The following ARHGEF28 variants were observed in gnomAD, a reference collection of about 807,000 sequenced individuals.
ARHGEF28 encodes Rho guanine nucleotide exchange factor 28, also known as 190 kDa guanine nucleotide exchange factor.
Under a neutral mutation model 206.6 loss-of-function variants are expected in ARHGEF28, and 152 were observed. The ratio of observed to expected loss-of-function variants is 0.74; its 90% CI spans 0.64 to 0.84. The LOEUF is 0.84. Ranked by LOEUF, ARHGEF28 falls within the 40% of genes least tolerant of loss-of-function variation. ARHGEF28 has a pLI of 0.00. For synonymous variants in ARHGEF28, 763 were observed against 776.4 expected, an observed-to-expected ratio of 0.98 and a Z score of 0.29; for missense variants, 2,028 against 2,073.2, an observed-to-expected ratio of 0.98 and a Z score of 0.42.
intron 26 of ARHGEF28, 49 bp from the exon 27 acceptor site, chr5:73,892,003 A>G: frequency 6.5e-7 from 1 of 1,530,654 alleles, no homozygotes; most frequent in Non-Finnish European, 8.9e-7. Flanking sequence ...ACGGAGCCTT[A>G]CTTTAGCTAG....
intron 7 of ARHGEF28, among the ~76,000 whole-genome samples, chr5:73,788,074 C>T (rs2112474165): frequency 6.6e-6 from 1 of 152,152 alleles, no homozygotes; most frequent in East Asian, 1.9e-4. Context: ...ACACATTTGG[C>T]TCATATCTGA....
intron 13 of ARHGEF28, 24 bp from the exon 14 acceptor site, chr5:73,852,620 GTTTTCA>G: frequency 6.2e-7 from 1 of 1,611,092 alleles, no homozygotes; most frequent in South Asian, 1.1e-5. Context: ...GTGTGCCTTA[GTTTTCA>G]TTTTATTGTT....
intron 1 of ARHGEF28, among the ~76,000 whole-genome samples, chr5:73,628,303 A>G (rs1046460968): frequency 6.6e-6 from 1 of 152,164 alleles, no homozygotes; most frequent in African/African-American, 2.4e-5. Flanking sequence ...TATTACTTCT[A>G]TATTAAACAT....
chr5:73,930,828 C>T (rs1383467026), intron 35 of ARHGEF28, among the ~76,000 whole-genome samples: 1 of 152,154 alleles, frequency 6.6e-6, no homozygotes, highest in Non-Finnish European at 1.5e-5. Flanking sequence ...CATTTTCTTT[C>T]CTGGAAGTTT....
At chr5:73,809,509 C>T (rs1056869827) in intron 9 of ARHGEF28, among the ~76,000 whole-genome samples, 1 of 152,150 alleles carries the variant, frequency 6.6e-6, no homozygotes, top group African/African-American at 2.4e-5. Context: ...TTCTTTTTAG[C>T]TTGTGGTGCA....
chr5:73,875,552 G>C (rs1580022235), intron 22 of ARHGEF28, among the ~76,000 whole-genome samples: 1 of 151,360 alleles, frequency 6.6e-6, no homozygotes, highest in East Asian at 1.9e-4. Context: ...TATGGTTTTA[G>C]GTCTAACATG....
chr5:73,682,529 T>A (rs1747177413), intron 1 of ARHGEF28, among the ~76,000 whole-genome samples: 1 of 152,000 alleles, frequency 6.6e-6, no homozygotes, highest in Admixed American at 6.5e-5. Context: ...GCGATTCTCC[T>A]GCCTCAGCCT....
chr5:73,842,462 G>C (rs570341193), intron 11 of ARHGEF28, among the ~76,000 whole-genome samples: 9 of 152,152 alleles, frequency 5.9e-5, no homozygotes, highest in Non-Finnish European at 1.2e-4. Context: ...CAAGGGTTAT[G>C]TGTGATGTGT....
At chr5:73,783,594 C>CA (rs1753978420) in intron 7 of ARHGEF28, among the ~76,000 whole-genome samples, 1 of 152,022 alleles carries the variant, frequency 6.6e-6, no homozygotes, top group Non-Finnish European at 1.5e-5. Context: ...CTGCTGAAAG[C>CA]AACGCAGAAG....
chr5:73,780,449 A>T, intron 6 of ARHGEF28: 2 of 526,792 alleles, frequency 3.8e-6, no homozygotes, highest in Middle Eastern at 5.2e-4. Flanking sequence ...GCAATAAAAG[A>T]TTAGTGGCAG....
intron 2 of ARHGEF28, among the ~76,000 whole-genome samples, chr5:73,737,501 T>TCTTTTCTTTTCTTTG (rs1751050902): frequency 8.5e-6 from 1 of 117,346 alleles, no homozygotes; most frequent in South Asian, 2.6e-4. Context: ...TCTTTTCTTT[T>TCTTTTCTTTTCTTTG]CTTTTCTTTT....
intron 35 of ARHGEF28, among the ~76,000 whole-genome samples, chr5:73,914,374 C>T (rs1480941605): frequency 6.9e-6 from 1 of 145,416 alleles, no homozygotes; most frequent in African/African-American, 2.5e-5. Flanking sequence ...AATCATTACA[C>T]TATACATTCT....
rs144585871 is a variant in ARHGEF28, at chr5:73,656,870, C to G, written c.-11-27971C>G. ...AGACATACTGGCCTTCTTGCTGCTCCTATAAAAAGAATGTTGGAGGCTGGG... is the reference window on the plus strand; with the variant it reads ...AGACATACTGGCCTTCTTGCTGCTCGTATAAAAAGAATGTTGGAGGCTGGG... On this transcript the variant is annotated intron_variant, in intron 1 of 35. Transcript: ENST00000513042. Among the ~76,000 whole-genome samples the G allele has an allele frequency of 3.9e-5, 6 of 152,132 alleles. No homozygotes were observed. The East Asian group carries it at 1.2e-3, about 29-fold the overall frequency.
chr5:73,783,926 G>C (rs1169350219), intron 7 of ARHGEF28, among the ~76,000 whole-genome samples: 1 of 152,018 alleles, frequency 6.6e-6, no homozygotes, highest in Non-Finnish European at 1.5e-5. Context: ...TAATTAATGG[G>C]TATACTTTAG....
chr5:73,700,641 C>T (rs749813867), intron 2 of ARHGEF28, among the ~76,000 whole-genome samples: 2 of 152,114 alleles, frequency 1.3e-5, no homozygotes, highest in Non-Finnish European at 2.9e-5. Flanking sequence ...TGAATATTCT[C>T]ACCACAAAGA....
chr5:73,898,694 A>G (rs1308952500), intron 30 of ARHGEF28: 1 of 152,192 alleles, frequency 6.6e-6, no homozygotes, highest in Non-Finnish European at 1.5e-5. Flanking sequence ...TTATGAAAAC[A>G]TTGTTTCAAA....
At chr5:73,786,852 G>A (rs1561403354) in intron 7 of ARHGEF28, among the ~76,000 whole-genome samples, 1 of 152,176 alleles carries the variant, frequency 6.6e-6, no homozygotes, top group African/African-American at 2.4e-5. Context: ...GTAAAGATAC[G>A]TGTTTTGAGA....
intron 12 of ARHGEF28, among the ~76,000 whole-genome samples, chr5:73,847,894 A>G (rs1758463596): frequency 6.6e-6 from 1 of 152,144 alleles, no homozygotes; most frequent in African/African-American, 2.4e-5. Flanking sequence ...CCCTAATAAG[A>G]TAGGAGCCAA....
chr5:73,705,762 A>G (rs752381596), intron 2 of ARHGEF28, among the ~76,000 whole-genome samples: 5 of 152,138 alleles, frequency 3.3e-5, no homozygotes, highest in Non-Finnish European at 7.3e-5. Context: ...AGAGATTGTG[A>G]TTTCCTGGAC....
Sources: allele counts gnomAD v4.1 joint callset (sites outside exome capture counted in the v4.1 genomes callset), GRCh38; gene constraint gnomAD v4.1.1; transcripts MANE v1.5; gene names NCBI Gene and HGNC (gene_info 2026-07-23, HGNC 2026-07-21).